The following MIPOL1 variants were observed in gnomAD, a reference collection of about 807,000 sequenced individuals.
The protein encoded by MIPOL1 is mirror-image polydactyly 1, also known as mirror-image polydactyly gene 1 protein.
A neutral mutation model predicts 60.9 loss-of-function variants in MIPOL1; 57 were observed. The ratio of observed to expected loss-of-function variants is 0.94; its 90% CI spans 0.76 to 1.17. The LOEUF (loss-of-function observed/expected upper bound fraction) is 1.17. Among genes scored for constraint, MIPOL1 ranks in the 50% most tolerant of loss-of-function variants. The probability of loss-of-function intolerance (pLI) is 0.00; values close to 1 mark genes in which losing one functional copy is unlikely to be tolerated. For synonymous variants in MIPOL1, 179 were observed against 168.8 expected (o/e 1.06, Z -0.47); for missense variants, 551 against 511.6 (o/e 1.08, Z -0.74).
chr14:37,246,843 G>C (rs1199103881), intron 1 of MIPOL1, among the ~76,000 whole-genome samples: 1 of 152,052 alleles, frequency 6.6e-6, no homozygotes, highest in African/African-American at 2.4e-5. Flanking sequence ...CTGGGTAAAT[G>C]ATGAGGAAGA....
intron 9 of MIPOL1, among the ~76,000 whole-genome samples, chr14:37,318,978 A>G (rs1311491920): frequency 6.6e-6 from 1 of 152,028 alleles, no homozygotes; most frequent in Admixed American, 6.6e-5. Flanking sequence ...AGCTGGGACA[A>G]CAGGCACACA....
chr14:37,356,149 T>G (rs2091798866), intron 9 of MIPOL1, among the ~76,000 whole-genome samples: 1 of 151,616 alleles, frequency 6.6e-6, no homozygotes, highest in Admixed American at 6.6e-5. Flanking sequence ...GCTGCAGGTC[T>G]GTTGGAATAC....
intron 9 of MIPOL1, among the ~76,000 whole-genome samples, chr14:37,366,531 T>C (rs188749334): frequency 1.8e-4 from 27 of 152,160 alleles, no homozygotes; most frequent in African/African-American, 6.5e-4. Context: ...ATTATTTCAG[T>C]TTTTTTAATG....
chr14:37,396,073 T>G (rs1451994838), intron 10 of MIPOL1, among the ~76,000 whole-genome samples: 3 of 152,122 alleles, frequency 2.0e-5, no homozygotes, highest in Admixed American at 2.0e-4. Flanking sequence ...GTACCTTGTT[T>G]TTTTTTTGTT....
intron 1 of MIPOL1, among the ~76,000 whole-genome samples, chr14:37,214,195 T>C (rs1967184962): frequency 6.6e-6 from 1 of 152,128 alleles, no homozygotes; most frequent in African/African-American, 2.4e-5. Context: ...ACGGTAACTG[T>C]GGTGTGTAAA....
At chr14:37,408,005 A>G (rs1030896377) in intron 10 of MIPOL1, among the ~76,000 whole-genome samples, 3 of 149,850 alleles carry the variant, frequency 2.0e-5, no homozygotes, top group Non-Finnish European at 4.4e-5. Flanking sequence ...GTGCACCACC[A>G]CGCCTGGCTA....
chr14:37,324,653 G>A (rs2088956490), intron 9 of MIPOL1, among the ~76,000 whole-genome samples: 1 of 152,040 alleles, frequency 6.6e-6, no homozygotes, highest in Admixed American at 6.6e-5. Context: ...CTGACAGCTT[G>A]TTTTCCTCTA....
intron 10 of MIPOL1, among the ~76,000 whole-genome samples, chr14:37,372,021 C>T (rs2092653297): frequency 6.6e-6 from 1 of 152,080 alleles, no homozygotes; most frequent in African/African-American, 2.4e-5. Context: ...TCAGGAACAA[C>T]TCTTTAAAAA....
Position 37,426,606 on chromosome 14 carries a change from T to C in MIPOL1, c.1031+3657T>C, listed in dbSNP as rs972777400. On this transcript the variant is annotated intron_variant, in intron 11 of 12. Transcript: ENST00000684589. ...ATATATATATATATACACACACACA[T>C]ACATATATAATATGTATATATGTAT... Among the ~76,000 whole-genome samples, 303 of 128,686 alleles carry C rather than the reference T, an allele frequency of 2.4e-3. 4 individuals carry two copies. Among genetic ancestry groups the C allele is most frequent in the African/African-American group, 6.2e-3 (212 of 34,344 alleles). The allele number at this position is 128,686 out of a possible 152,430, so 84.4% of individuals were successfully genotyped here.
At chr14:37,315,630 T>A (rs1044026665) in intron 9 of MIPOL1, among the ~76,000 whole-genome samples, 1 of 152,178 alleles carries the variant, frequency 6.6e-6, no homozygotes, top group African/African-American at 2.4e-5. Context: ...GTATTTGGAC[T>A]TGAACACTGT....
At chr14:37,284,764 T>C (rs1448034331) in intron 6 of MIPOL1, among the ~76,000 whole-genome samples, 2 of 152,246 alleles carry the variant, frequency 1.3e-5, no homozygotes, top group Non-Finnish European at 2.9e-5. Flanking sequence ...TTGTCCATAG[T>C]CAAGTCATTT....
chr14:37,303,440 A>T (rs915925510), intron 7 of MIPOL1, among the ~76,000 whole-genome samples: 18 of 151,896 alleles, frequency 1.2e-4, no homozygotes, highest in African/African-American at 4.3e-4. Flanking sequence ...CTTCGATTAA[A>T]CTGATCTTTT....
At chr14:37,440,150 A>G (rs573530363) in intron 11 of MIPOL1, among the ~76,000 whole-genome samples, 1 of 152,340 alleles carries the variant, frequency 6.6e-6, no homozygotes, top group Admixed American at 6.5e-5. Flanking sequence ...CCTGGCCTAC[A>G]AATAATTTCT....
intron 1 of MIPOL1, among the ~76,000 whole-genome samples, chr14:37,220,222 G>A (rs1045878128): frequency 8.5e-5 from 13 of 152,130 alleles, no homozygotes; most frequent in African/African-American, 3.1e-4. Context: ...GAGGGAATCT[G>A]AAAGGTAATT....
chr14:37,275,713 G>A (rs1179531233), intron 6 of MIPOL1, among the ~76,000 whole-genome samples: 1 of 150,734 alleles, frequency 6.6e-6, no homozygotes, highest in Non-Finnish European at 1.5e-5. Context: ...ATGTTATTTT[G>A]TGATATTTAA....
chr14:37,229,888 G>A (rs1020067848), intron 1 of MIPOL1, among the ~76,000 whole-genome samples: 13 of 152,168 alleles, frequency 8.5e-5, no homozygotes, highest in African/African-American at 2.9e-4. Context: ...GAAATAGGAA[G>A]ATGATGGTTA....
At position 37,486,469 on chromosome 14, in the gene MIPOL1, A is replaced by T. The variant is rs556347886; in HGVS notation, c.1032-13439A>T. Among the ~76,000 whole-genome samples, 3 of 152,256 alleles carry T rather than the reference A, an allele frequency of 2.0e-5. No individual in the cohort carries two copies. The East Asian group carries it at 5.8e-4, about 29-fold the overall frequency. The stretch of plus-strand genomic sequence containing the variant: ...AGATTCTTCCTATCCATGAGCATGG[A>T]ATGTTTTTCCATTTATTTGTGTCCT... On this transcript the variant is annotated intron_variant, in intron 11 of 12. Transcript: ENST00000684589.
chr14:37,463,824 C>T (rs1406812715), intron 11 of MIPOL1, among the ~76,000 whole-genome samples: 1 of 152,108 alleles, frequency 6.6e-6, no homozygotes, highest in Non-Finnish European at 1.5e-5. Context: ...AACTGACAAC[C>T]TACAGAAGAG....
chr14:37,339,699 T>C (rs2090433097), intron 9 of MIPOL1, among the ~76,000 whole-genome samples: 1 of 152,206 alleles, frequency 6.6e-6, no homozygotes, highest in Non-Finnish European at 1.5e-5. Flanking sequence ...CATAGATGAA[T>C]CTGTAATACA....
Sources: gnomAD v4.1 joint callset for allele counts (sites outside exome capture counted in the v4.1 genomes callset) on GRCh38, gnomAD v4.1.1 for gene constraint, MANE v1.5 for transcripts, NCBI Gene and HGNC (gene_info 2026-07-23, HGNC 2026-07-21) for gene names.